ANK3: variants seen among roughly 807,000 people sequenced by gnomAD.
The protein encoded by ANK3 is ankyrin-3.
ANK3 carries 57 observed loss-of-function variants against 370.9 expected under a neutral mutation model. The ratio of observed to expected loss-of-function variants is 0.15; its 90% CI spans 0.12 to 0.19. The LOEUF is 0.19. ANK3 is among the 10% of genes least tolerant of loss of function. ANK3 has a pLI of 1.00. For synonymous variants in ANK3, 1,929 were observed against 1,946.3 expected, an observed-to-expected ratio of 0.99 and a Z score of 0.23; for missense variants, 4,439 against 5,302.1, an observed-to-expected ratio of 0.84 and a Z score of 5.06.
chr10:60,129,046 A>C (rs754342026), intron 25 of ANK3, among the ~76,000 whole-genome samples: 4 of 152,216 alleles, frequency 2.6e-5, no homozygotes, highest in Non-Finnish European at 5.9e-5. Context: ...CCCTTTATTT[A>C]TTAAATCCTA....
Position 60,457,728 on chromosome 10 carries a change from A to G in ANK3, c.96+157458T>C, listed in dbSNP as rs567086840. On this transcript the variant is annotated intron_variant, in intron 2 of 43. Transcript: ENST00000373827. Reference sequence around the variant, plus strand: ...GGCCTCCTGATTTCTTTGAGAGAATATTCTCGAAGATTCTAGGCTCTGCTT... The same window carrying G: ...GGCCTCCTGATTTCTTTGAGAGAATGTTCTCGAAGATTCTAGGCTCTGCTT... Among the ~76,000 whole-genome samples the G allele has an allele frequency of 2.0e-5, 3 of 152,254 alleles. No homozygotes were observed. In the East Asian group the frequency reaches 5.8e-4, roughly 29 times the overall value.
chr10:60,654,785 G>A (rs1424595986), intron 1 of ANK3, among the ~76,000 whole-genome samples: 1 of 152,076 alleles, frequency 6.6e-6, no homozygotes, highest in Non-Finnish European at 1.5e-5. Context: ...AAACAATTAT[G>A]AATTTAGAAA....
At chr10:60,636,091 A>T (rs7098814) in intron 1 of ANK3, among the ~76,000 whole-genome samples, 1 of 151,980 alleles carries the variant, frequency 6.6e-6, no homozygotes, top group Non-Finnish European at 1.5e-5. Context: ...AATTAGTTTA[A>T]AAACTAAAAT....
intron 2 of ANK3, among the ~76,000 whole-genome samples, chr10:60,566,777 G>A (rs1290989923): frequency 6.6e-6 from 1 of 152,180 alleles, no homozygotes; most frequent in Non-Finnish European, 1.5e-5. Context: ...TTGGAAGACT[G>A]AAGTGGAGGA....
chr10:60,722,399 G>A (rs920177149), intron 1 of ANK3, among the ~76,000 whole-genome samples: 4 of 151,634 alleles, frequency 2.6e-5, no homozygotes, highest in Non-Finnish European at 5.9e-5. Flanking sequence ...AGCTATGATC[G>A]CACCACTGCA....
chr10:60,258,127 A>T (rs2097762412), intron 7 of ANK3, among the ~76,000 whole-genome samples: 1 of 152,220 alleles, frequency 6.6e-6, no homozygotes, highest in African/African-American at 2.4e-5. Context: ...TACTAGCTCT[A>T]GTATGTTTTA....
chr10:60,689,110 G>C (rs1303856242), intron 1 of ANK3, among the ~76,000 whole-genome samples: 1 of 152,142 alleles, frequency 6.6e-6, no homozygotes, highest in South Asian at 2.1e-4. Context: ...CTACATAGAG[G>C]TATATTTGGC....
chr10:60,109,359 G>C (rs2092499434), intron 26 of ANK3, among the ~76,000 whole-genome samples: 1 of 152,112 alleles, frequency 6.6e-6, no homozygotes, highest in African/African-American at 2.4e-5. Context: ...AATCGGTCTA[G>C]TAACAGGATT....
Position 60,231,829 on chromosome 10 carries a change from C to T in ANK3, c.897+2859G>A, listed in dbSNP as rs987988141. On this transcript the variant is annotated intron_variant, in intron 8 of 43. Transcript: ENST00000280772. ...GACAACTGCAGAAGAAAATGTCAGGCTTTTCTGTTCTCTGGTTCTCCATGT... is the reference window on the plus strand; with the variant it reads ...GACAACTGCAGAAGAAAATGTCAGGTTTTTCTGTTCTCTGGTTCTCCATGT... 5.9e-5 allele frequency among the ~76,000 whole-genome samples: 9 copies of T among 152,284 alleles called. No individual in the cohort carries two copies. In the East Asian group the frequency reaches 1.7e-3, roughly 29 times the overall value.
At chr10:60,581,706 G>T (rs1259501302) in intron 2 of ANK3, among the ~76,000 whole-genome samples, 1 of 151,754 alleles carries the variant, frequency 6.6e-6, no homozygotes, top group East Asian at 1.9e-4. Context: ...CCAAAGTGCT[G>T]GGATTACAGG....
At chr10:60,586,773 T>C (rs2133287224) in intron 2 of ANK3, among the ~76,000 whole-genome samples, 1 of 152,254 alleles carries the variant, frequency 6.6e-6, no homozygotes, top group East Asian at 1.9e-4. Context: ...AAAGTAGAAA[T>C]TGCATGTATC....
chr10:60,533,442 A>C (rs1273362578), intron 2 of ANK3, among the ~76,000 whole-genome samples: 1 of 151,956 alleles, frequency 6.6e-6, no homozygotes, highest in Non-Finnish European at 1.5e-5. Flanking sequence ...CAGGCTAGGC[A>C]CTCTTCTTCT....
At position 60,062,936 on chromosome 10, in the gene ANK3, G is replaced by T. The variant is rs150511497; in HGVS notation, c.12595+175C>A. On this transcript the variant is annotated intron_variant, in intron 40 of 43. Coordinates refer to ENST00000280772, the MANE Select transcript of ANK3 (RefSeq NM_020987.5). ...ATATTTATATTGTATATAAACAGAG[G>T]TATTTACCAAGTTTGCTCTGATATC... 313 of 570,416 alleles carry T rather than the reference G, an allele frequency of 5.5e-4. 4 individuals are homozygous for T. The highest frequency in any genetic ancestry group is 5.5e-3 in the African/African-American group (291 of 53,164). The allele number at this position is 570,416 out of a possible 1,614,324, so 35.3% of individuals were successfully genotyped here.
At chr10:60,641,419 G>T (rs2078630830) in intron 1 of ANK3, among the ~76,000 whole-genome samples, 1 of 151,930 alleles carries the variant, frequency 6.6e-6, no homozygotes, top group Non-Finnish European at 1.5e-5. Context: ...CATGGTACTG[G>T]TACCAAAACA....
intron 1 of ANK3, among the ~76,000 whole-genome samples, chr10:60,344,681 C>T (rs1190970365): frequency 6.6e-6 from 1 of 152,032 alleles, no homozygotes; most frequent in Non-Finnish European, 1.5e-5. Context: ...AAATATATGG[C>T]TATGATATTT....
At chr10:60,601,032 G>A (rs747221344) in intron 2 of ANK3, among the ~76,000 whole-genome samples, 2 of 152,160 alleles carry the variant, frequency 1.3e-5, no homozygotes, top group Non-Finnish European at 2.9e-5. Flanking sequence ...TATGAAGGGA[G>A]AGGTTAGATT....
At chr10:60,510,278 C>T (rs2076046980) in intron 2 of ANK3, among the ~76,000 whole-genome samples, 1 of 152,002 alleles carries the variant, frequency 6.6e-6, no homozygotes, top group Non-Finnish European at 1.5e-5. Context: ...TACTTTCTAT[C>T]GTGAAGACTC....
rs149881974 is a variant in ANK3, at chr10:60,056,551, T to C, written c.12687-515A>G. Among the ~76,000 whole-genome samples the C allele has an allele frequency of 3.3e-3, 508 of 152,228 alleles. 5 individuals carry two copies. Among genetic ancestry groups the C allele is most frequent in the African/African-American group, 0.012 (485 of 41,538 alleles). ...ACAGCTTCTAGACATCCCCCATATCTCAGTTGCCAAATTGCCTAGCTATGC... is the reference window on the plus strand; with the variant it reads ...ACAGCTTCTAGACATCCCCCATATCCCAGTTGCCAAATTGCCTAGCTATGC... On this transcript the variant is annotated intron_variant, in intron 41 of 43. Coordinates refer to ENST00000280772, the MANE Select transcript of ANK3 (RefSeq NM_020987.5).
intron 2 of ANK3, among the ~76,000 whole-genome samples, chr10:60,448,827 A>G (rs956036800): frequency 1.2e-4 from 18 of 152,372 alleles, no homozygotes; most frequent in Middle Eastern, 3.4e-3. Context: ...CAACTGAGCA[A>G]ACACAAGAGT....
Sources: gnomAD v4.1 joint callset for allele counts (sites outside exome capture counted in the v4.1 genomes callset) on GRCh38, gnomAD v4.1.1 for gene constraint, MANE v1.5 for transcripts, NCBI Gene and HGNC (gene_info 2026-07-23, HGNC 2026-07-21) for gene names.